Variants in KBTBD12 observed in about 807,000 individuals in gnomAD.
KBTBD12 encodes the protein kelch repeat and BTB domain-containing protein 12.
KBTBD12 carries 53 observed loss-of-function variants against 58.7 expected under a neutral mutation model. That is an observed-to-expected ratio of 0.90 (90% CI 0.72 to 1.14). KBTBD12 has a LOEUF of 1.14. Ranked by LOEUF, KBTBD12 falls within the 50% of genes most tolerant of loss-of-function variation. The probability of loss-of-function intolerance (pLI) is 0.00; values close to 1 mark genes in which losing one functional copy is unlikely to be tolerated. For synonymous variants in KBTBD12, 236 were observed against 259.8 expected, an observed-to-expected ratio of 0.91 and a Z score of 0.88; for missense variants, 704 against 751.3, an observed-to-expected ratio of 0.94 and a Z score of 0.74.
intron 2 of KBTBD12, among the ~76,000 whole-genome samples, chr3:127,926,575 A>G (rs779421394): frequency 6.6e-6 from 1 of 152,176 alleles, no homozygotes; most frequent in Non-Finnish European, 1.5e-5. Context: ...AGAAAGGAGC[A>G]TGCCTTCTAA....
intron 2 of KBTBD12, 70 bp downstream of exon 2, chr3:127,924,201 CA>C (rs1559760418): frequency 1.1e-6 from 1 of 924,106 alleles, no homozygotes; most frequent in Non-Finnish European, 1.7e-6. Context: ...GAAAGAACTG[CA>C]AAAAGTCATC....
In KBTBD12 at chr3:127,980,786, T is replaced by C. The variant is rs535992827; in HGVS notation, c.1691-3311T>C. 1.0e-3 allele frequency among the ~76,000 whole-genome samples: 153 copies of C among 152,358 alleles called. 1 individual carries two copies. Among genetic ancestry groups the C allele is most frequent in the Non-Finnish European group, 1.7e-3 (119 of 68,030 alleles). ...CTCCCACTCCAAAAATTGAGAGATA[T>C]ATCATGCTGCATGATTAGAAAACTG... On this transcript the variant is annotated intron_variant, in intron 5 of 5. Coordinates refer to ENST00000405109, the MANE Select transcript of KBTBD12 (RefSeq NM_207335.4).
intron 5 of KBTBD12, among the ~76,000 whole-genome samples, chr3:127,979,595 A>G (rs1194472637): frequency 2.0e-5 from 3 of 152,230 alleles, no homozygotes; most frequent in Admixed American, 2.0e-4. Context: ...TCAGTTCCTC[A>G]GTCTCACTAG....
At chr3:127,924,155 CTTAA>C (rs1939508091) in intron 2 of KBTBD12, 24 bp downstream of exon 2, 13 of 1,492,452 alleles carry the variant, frequency 8.7e-6, no homozygotes, top group African/African-American at 1.4e-5. Context: ...AGCAAATTTG[CTTAA>C]TTATTTTGTT....
At chr3:127,958,064 A>AG (rs1288542766) in intron 4 of KBTBD12, among the ~76,000 whole-genome samples, 1 of 152,132 alleles carries the variant, frequency 6.6e-6, no homozygotes, top group Admixed American at 6.5e-5. Context: ...CTAGAGACAA[A>AG]CAGCCTCCCT....
At chr3:127,962,166 C>A (rs528282577) in intron 4 of KBTBD12, among the ~76,000 whole-genome samples, 1 of 152,306 alleles carries the variant, frequency 6.6e-6, no homozygotes, top group Admixed American at 6.5e-5. Flanking sequence ...CGATGAGAGG[C>A]GTGTCTGCAA....
intron 5 of KBTBD12, among the ~76,000 whole-genome samples, chr3:127,971,821 G>A (rs1272120760): frequency 6.6e-6 from 1 of 152,080 alleles, no homozygotes; most frequent in African/African-American, 2.4e-5. Flanking sequence ...AACTTCTAGG[G>A]GACCCAAACA....
At chr3:127,938,217 AAAT>A (rs1346655371) in intron 4 of KBTBD12, among the ~76,000 whole-genome samples, 1 of 152,170 alleles carries the variant, frequency 6.6e-6, no homozygotes, top group African/African-American at 2.4e-5. Context: ...TTGACTTATA[AAAT>A]AATAATTAAT....
intron 2 of KBTBD12, 111 bp from the exon 3 acceptor site, chr3:127,927,653 T>C (rs1475851103): frequency 1.6e-5 from 13 of 807,006 alleles, no homozygotes; most frequent in East Asian, 2.7e-5. Context: ...TGTCCTCCAA[T>C]TGGAAGAACC....
At position 127,923,776 on chromosome 3, in the gene KBTBD12, A is replaced by G. The variant is rs751699414; in HGVS notation, c.715A>G (p.Met239Val). Reference sequence around the variant, plus strand: ...AAGACAAGCCCTAAGAAGGAACACAATGCTTCTGTGTGATGCAGATTGTGT... The same window carrying G: ...AAGACAAGCCCTAAGAAGGAACACAGTGCTTCTGTGTGATGCAGATTGTGT... ...FLRQALRRNT[M>V]LLCDADCVDI... The change falls in exon 2 of 6, where the codon ATG (methionine) becomes GTG (valine). Residue 239 changes from methionine to valine, a missense_variant. Met to Val is a conservative substitution (Grantham distance 21). Transcript: ENST00000405109. The G allele has an allele frequency of 5.6e-6, 9 of 1,613,786 alleles. No homozygotes were observed. The highest frequency in any genetic ancestry group is 4.0e-5 in the African/African-American group (3 of 74,942).
Position 127,927,967 on chromosome 3 carries a change from A to G in KBTBD12, c.1274A>G (p.Gln425Arg), listed in dbSNP as rs778076462. Residue 425 changes from glutamine to arginine, a missense_variant, in exon 3 of 6, where the codon CAA becomes CGA. Physicochemically the swap from Gln to Arg is conservative, Grantham distance 43 (BLOSUM62 1). Coordinates refer to ENST00000405109, the MANE Select transcript of KBTBD12 (RefSeq NM_207335.4). Reference sequence around the variant, plus strand: ...AAAAGGGTGTCTCCCCTTCCACTGCAATTGGCATGTCATGCTGTAGTGACA... The same window carrying G: ...AAAAGGGTGTCTCCCCTTCCACTGCGATTGGCATGTCATGCTGTAGTGACA... The part of the protein sequence containing the change: ...NWKRVSPLPL[Q>R]LACHAVVTVN... 6.2e-7 allele frequency: 1 copy of G among 1,613,426 alleles called. No homozygotes were observed. The highest frequency in any genetic ancestry group is 1.1e-5 in the South Asian group (1 of 91,068).
chr3:127,927,409 T>G (rs1338324315), intron 2 of KBTBD12, among the ~76,000 whole-genome samples: 1 of 152,174 alleles, frequency 6.6e-6, no homozygotes, highest in Non-Finnish European at 1.5e-5. Flanking sequence ...TATTTTTGCT[T>G]ACTTTTATGG....
chr3:127,915,419 C>G lies in KBTBD12; in HGVS notation c.-280C>G, dbSNP rs375876623. ...CTCGGAGGCGCTGCCAGCGCCCTCC[C>G]TCCTCCTCCGCAGGGCGCGGGACCT... On this transcript the variant is annotated 5_prime_UTR_variant, in exon 1 of 6. Coordinates refer to ENST00000405109, the MANE Select transcript of KBTBD12 (RefSeq NM_207335.4). 6.5e-6 allele frequency: 1 copy of G among 152,758 alleles called. No individual in the cohort carries two copies. 9.5% of individuals were successfully genotyped at this position (152,758 alleles called of 1,614,324 possible).
At chr3:127,939,770 T>C (rs1489781846) in intron 4 of KBTBD12, among the ~76,000 whole-genome samples, 1 of 151,950 alleles carries the variant, frequency 6.6e-6, no homozygotes, top group Non-Finnish European at 1.5e-5. Context: ...ATAATTACCT[T>C]AAATGCAGAT....
intron 4 of KBTBD12, among the ~76,000 whole-genome samples, chr3:127,931,306 G>T (rs1369971605): frequency 6.6e-6 from 1 of 152,100 alleles, no homozygotes; most frequent in Non-Finnish European, 1.5e-5. Context: ...GTTATTTTAT[G>T]ATTTTAATAA....
At chr3:127,966,811 A>C (rs1428456471) in intron 5 of KBTBD12, among the ~76,000 whole-genome samples, 6 of 152,212 alleles carry the variant, frequency 3.9e-5, no homozygotes, top group African/African-American at 1.4e-4. Context: ...CATCACTGTG[A>C]CATTACAGAA....
intron 5 of KBTBD12, among the ~76,000 whole-genome samples, chr3:127,970,758 G>C (rs1480628809): frequency 2.6e-5 from 4 of 152,178 alleles, no homozygotes; most frequent in Non-Finnish European, 4.4e-5. Flanking sequence ...GCAGAAAGTA[G>C]ATTTGTGATT....
chr3:127,918,005 T>C (rs1318260016), intron 1 of KBTBD12, among the ~76,000 whole-genome samples: 2 of 151,756 alleles, frequency 1.3e-5, no homozygotes, highest in Non-Finnish European at 2.9e-5. Flanking sequence ...AGGCCAGGAG[T>C]TTGAGACGCA....
intron 4 of KBTBD12, among the ~76,000 whole-genome samples, chr3:127,956,386 G>A (rs953872813): frequency 6.7e-6 from 1 of 150,374 alleles, no homozygotes; most frequent in African/African-American, 2.5e-5. Flanking sequence ...CCATCAGTGT[G>A]TAATTATAAT....
Sources: gnomAD v4.1 joint callset for allele counts (sites outside exome capture counted in the v4.1 genomes callset) on GRCh38, gnomAD v4.1.1 for gene constraint, MANE v1.5 for transcripts, NCBI Gene and HGNC (gene_info 2026-07-23, HGNC 2026-07-21) for gene names.